Variants in NYAP2 observed in about 807,000 individuals in gnomAD.
NYAP2 encodes neuronal tyrosine-phosphorylated phosphoinositide-3-kinase adaptor 2.
In NYAP2, 23 loss-of-function variants were observed where a neutral mutation model predicts 50.4. The ratio of observed to expected loss-of-function variants is 0.46; its 90% confidence interval spans 0.33 to 0.65. NYAP2 has a LOEUF of 0.65. Ranked by LOEUF, NYAP2 falls within the 30% of genes least tolerant of loss-of-function variation. NYAP2 has a pLI of 0.02. For missense variants in NYAP2, 885 were observed against 861.0 expected (o/e 1.03, Z -0.35); for synonymous variants, 394 against 365.2 (o/e 1.08, Z -0.90).
At chr2:225,496,795 C>G (rs762026450) in intron 3 of NYAP2, among the ~76,000 whole-genome samples, 1 of 151,938 alleles carries the variant, frequency 6.6e-6, no homozygotes, top group African/African-American at 2.4e-5. Flanking sequence ...ACTGTAAACC[C>G]TGAGGGGTGT....
At chr2:225,519,706 A>G (rs1691012300) in intron 4 of NYAP2, among the ~76,000 whole-genome samples, 1 of 152,166 alleles carries the variant, frequency 6.6e-6, no homozygotes, top group African/African-American at 2.4e-5. Context: ...AGTCTTTGCT[A>G]TTATGAATAG....
chr2:225,416,994 T>C (rs1405957183), intron 3 of NYAP2, among the ~76,000 whole-genome samples: 1 of 152,162 alleles, frequency 6.6e-6, no homozygotes, highest in Admixed American at 6.5e-5. Flanking sequence ...TGAAAAGTAA[T>C]GTTGAATATG....
chr2:225,587,438 C>T (rs73994759), intron 5 of NYAP2, among the ~76,000 whole-genome samples: 2,578 of 152,104 alleles, frequency 0.017, 68 homozygotes, highest in African/African-American at 0.059. Flanking sequence ...AAGACATGCA[C>T]GCCCGGGGCA....
intron 3 of NYAP2, among the ~76,000 whole-genome samples, chr2:225,501,790 C>A (rs903938676): frequency 4.6e-5 from 7 of 152,198 alleles, no homozygotes; most frequent in Admixed American, 1.3e-4. Flanking sequence ...ATCTTTCTCT[C>A]TCTTCCACTA....
chr2:225,401,756 C>G (rs886223144), intron 2 of NYAP2, among the ~76,000 whole-genome samples: 14 of 151,928 alleles, frequency 9.2e-5, no homozygotes, highest in African/African-American at 3.4e-4. Context: ...TATTTCATAT[C>G]TGGAAAAACT....
intron 5 of NYAP2, among the ~76,000 whole-genome samples, chr2:225,619,598 G>T (rs1212767072): frequency 6.6e-6 from 1 of 152,144 alleles, no homozygotes; most frequent in African/African-American, 2.4e-5. Flanking sequence ...GTCTTCCTAG[G>T]TGGCCCAGGA....
At chr2:225,525,244 G>A (rs1161288047) in intron 4 of NYAP2, among the ~76,000 whole-genome samples, 1 of 152,116 alleles carries the variant, frequency 6.6e-6, no homozygotes, top group Non-Finnish European at 1.5e-5. Context: ...TATACCCAAA[G>A]GGAAAGAAAC....
intron 6 of NYAP2, among the ~76,000 whole-genome samples, chr2:225,646,990 A>C (rs1411325079): frequency 6.6e-6 from 1 of 152,182 alleles, no homozygotes; most frequent in African/African-American, 2.4e-5. Context: ...GTTTGGTCTG[A>C]CCAGAAACCA....
chr2:225,461,162 G>A (rs1367748697), intron 3 of NYAP2, among the ~76,000 whole-genome samples: 1 of 152,116 alleles, frequency 6.6e-6, no homozygotes, highest in African/African-American at 2.4e-5. Context: ...AATGCCAGAT[G>A]CACCTTACCA....
intron 4 of NYAP2, among the ~76,000 whole-genome samples, chr2:225,522,097 A>G (rs984282778): frequency 1.6e-4 from 25 of 152,002 alleles, no homozygotes; most frequent in Non-Finnish European, 2.6e-4. Flanking sequence ...GGTAGTTTGT[A>G]TTTCTGTGGG....
the NYAP2 span, among the ~76,000 whole-genome samples, chr2:225,680,706 CT>C: frequency 6.6e-6 from 1 of 152,008 alleles, no homozygotes; most frequent in African/African-American, 2.4e-5. Flanking sequence ...ATTAGATTCC[CT>C]GCAAATGAGA....
At chr2:225,666,546 G>A in the NYAP2 span, among the ~76,000 whole-genome samples, 1 of 152,122 alleles carries the variant, frequency 6.6e-6, no homozygotes, top group Non-Finnish European at 1.5e-5. Context: ...GGGGTTGGGG[G>A]GATGGTTCCA....
chr2:225,689,328 A>G, the NYAP2 span, among the ~76,000 whole-genome samples: 2 of 152,180 alleles, frequency 1.3e-5, no homozygotes, highest in Non-Finnish European at 2.9e-5. Context: ...TAACTTTTAA[A>G]TCTTCTTGAT....
At chr2:225,471,066 A>G (rs1690006337) in intron 3 of NYAP2, among the ~76,000 whole-genome samples, 2 of 152,336 alleles carry the variant, frequency 1.3e-5, no homozygotes, top group Admixed American at 1.3e-4. Context: ...TTGAAGATTG[A>G]CCTTCAAATC....
intron 3 of NYAP2, among the ~76,000 whole-genome samples, chr2:225,436,739 CAAAAA>C (rs755609110): frequency 5.5e-5 from 6 of 109,424 alleles, no homozygotes; most frequent in Middle Eastern, 4.1e-3. Context: ...TCTGTATAGT[CAAAAA>C]AAAAAAAAAA....
chr2:225,562,696 A>G (rs1048762331), intron 4 of NYAP2, among the ~76,000 whole-genome samples: 1 of 152,120 alleles, frequency 6.6e-6, no homozygotes, highest in African/African-American at 2.4e-5. Flanking sequence ...CTTGTTCTGT[A>G]TAGTTTGTAC....
chr2:225,657,237 G>A (rs1189401121), downstream of NYAP2, among the ~76,000 whole-genome samples: 1 of 149,116 alleles, frequency 6.7e-6, no homozygotes, highest in East Asian at 2.0e-4. Context: ...AGACTCCTGT[G>A]TAGCAGAGAT....
At chr2:225,608,887 G>T (rs1692833261) in intron 5 of NYAP2, among the ~76,000 whole-genome samples, 1 of 152,034 alleles carries the variant, frequency 6.6e-6, no homozygotes, top group Non-Finnish European at 1.5e-5. Flanking sequence ...TGTCACCCTG[G>T]ACTGTTCTCT....
chr2:225,407,899 T>C (rs138355362), intron 2 of NYAP2, among the ~76,000 whole-genome samples: 638 of 152,038 alleles, frequency 4.2e-3, no homozygotes, highest in Middle Eastern at 6.8e-3. Flanking sequence ...TTGACATTAC[T>C]ATTGCTGCCA....
Sources: allele counts gnomAD v4.1 joint callset (sites outside exome capture counted in the v4.1 genomes callset), GRCh38; gene constraint gnomAD v4.1.1; transcripts MANE v1.5; gene names NCBI Gene and HGNC (gene_info 2026-07-23, HGNC 2026-07-21).